The following KMT2C variants were observed in gnomAD, a reference collection of about 807,000 sequenced individuals.
KMT2C encodes the protein histone-lysine N-methyltransferase 2C.
Under a neutral mutation model 507.9 loss-of-function variants are expected in KMT2C, and 88 were observed. That is an observed-to-expected ratio of 0.17 (90% CI 0.15 to 0.21). KMT2C has a LOEUF of 0.21. Among genes scored for constraint, KMT2C ranks in the 10% least tolerant of loss-of-function variants. The pLI is 1.00. For missense variants in KMT2C, 4,954 were observed against 5,957.8 expected, an observed-to-expected ratio of 0.83 and a Z score of 5.55; for synonymous variants, 2,049 against 2,080.8, an observed-to-expected ratio of 0.98 and a Z score of 0.42.
intron 2 of KMT2C, among the ~76,000 whole-genome samples, chr7:152,332,158 C>T (rs2096890476): frequency 6.6e-6 from 1 of 152,254 alleles, no homozygotes; most frequent in African/African-American, 2.4e-5. Context: ...AATCCAACCC[C>T]AAACACCTTA....
At chr7:152,226,974 A>T (rs4024396) in intron 18 of KMT2C, among the ~76,000 whole-genome samples, 1 of 152,198 alleles carries the variant, frequency 6.6e-6, no homozygotes, top group African/African-American at 2.4e-5. Flanking sequence ...GCAGAATTTT[A>T]AAAATATTTA....
At position 152,222,052 on chromosome 7, in the gene KMT2C, A is replaced by C; in HGVS notation, c.3448T>G (p.Cys1150Gly). Reference protein sequence around the residue: ...MPASNVPSSDCCESSLVAQIV... With the variant: ...MPASNVPSSDGCESSLVAQIV... ...TGTGCTACAAGTGAAGATTCACAGC[A>C]GTCTGAGGAAGGCACTGAAACGAAA... The change falls in exon 22 of 59, where the codon TGC (cysteine) becomes GGC (glycine). Residue 1150 changes from cysteine to glycine, a missense_variant. Cys to Gly is a radical substitution (Grantham distance 159). Transcript: ENST00000262189. 2 of 1,600,280 alleles carry C rather than the reference A, an allele frequency of 1.2e-6. No homozygotes were observed. Among genetic ancestry groups the C allele is most frequent in the Non-Finnish European group, 1.7e-6 (2 of 1,174,734 alleles).
chr7:152,145,585 G>A (rs547196499), intron 53 of KMT2C, among the ~76,000 whole-genome samples: 1 of 152,324 alleles, frequency 6.6e-6, no homozygotes, highest in East Asian at 1.9e-4. Context: ...ACACGCTTGT[G>A]TGATTTCAGG....
In KMT2C at chr7:152,185,013, T is replaced by TTTG. The variant is rs2093579584; in HGVS notation, c.5082+544_5082+545insCAA. Among the ~76,000 whole-genome samples the TTTG allele has an allele frequency of 2.6e-5, 4 of 152,318 alleles. No homozygotes were observed. The South Asian group carries it at 8.3e-4, about 32-fold the overall frequency. ...TCAAAGCCATCTGCCCACCTTGGCC[T>TTTG]CTCAAACTGCTGGGATTACAGGTGT... is the stretch of plus-strand genomic sequence containing the variant. On this transcript the variant is annotated intron_variant, in intron 34 of 58. Coordinates refer to ENST00000262189, the MANE Select transcript of KMT2C (RefSeq NM_170606.3).
In KMT2C at chr7:152,182,592, T is replaced by A. The variant is rs757573979; in HGVS notation, c.5268A>T (p.Gln1756His). 6.4e-7 allele frequency: 1 copy of A among 1,557,100 alleles called. No homozygotes were observed. The highest frequency in any genetic ancestry group is 8.7e-7 in the Non-Finnish European group (1 of 1,152,420). The change falls in exon 36 of 59, where the codon CAA (glutamine) becomes CAT (histidine). Residue 1756 changes from glutamine to histidine, a missense_variant and splice_region_variant. By Grantham distance (24) the Gln-to-His change is conservative. Coordinates refer to ENST00000262189, the MANE Select transcript of KMT2C (RefSeq NM_170606.3). The part of the protein sequence containing the change: ...EHEQEWKFRQ[Q>H]MRQKSKQQAK... The stretch of plus-strand genomic sequence containing the variant: ...CTTGCTGCTTACTTTTCTGACGCAT[T>A]TGCTATTAAAATAGAAAAGAAAAAG...
At chr7:152,429,218 T>C (rs1432069060) in intron 1 of KMT2C, among the ~76,000 whole-genome samples, 2 of 152,222 alleles carry the variant, frequency 1.3e-5, no homozygotes, top group Non-Finnish European at 2.9e-5. Flanking sequence ...TTTAGCACTT[T>C]GTAGCTCTTT....
intron 3 of KMT2C, among the ~76,000 whole-genome samples, chr7:152,321,728 T>C (rs892099950): frequency 1.3e-5 from 2 of 151,886 alleles, no homozygotes; most frequent in African/African-American, 4.8e-5. Flanking sequence ...GTAAAAGACC[T>C]GTATACTGAA....
In KMT2C at chr7:152,181,251, A is replaced by G. The variant is rs145094194; in HGVS notation, c.6609T>C (p.Tyr2203=). The G allele has an allele frequency of 1.5e-4, 238 of 1,614,138 alleles. No homozygotes were observed. The highest frequency in any genetic ancestry group is 6.9e-4 in the African/African-American group (52 of 75,038). Residue 2203 remains tyrosine, a synonymous_variant, in exon 36 of 59, where the codon TAT becomes TAC. Transcript: ENST00000262189. ...PVTNQRHSDP[Y]AHPPGTPRPG... ...GTCTTGGTGTTCCAGGAGGATGAGC[A>G]TATGGATCAGAATGCCTCTGATTTG... is the stretch of plus-strand genomic sequence containing the variant.
intron 23 of KMT2C, among the ~76,000 whole-genome samples, chr7:152,209,630 G>T (rs2094405946): frequency 6.6e-6 from 1 of 151,692 alleles, no homozygotes; most frequent in Middle Eastern, 3.2e-3. Context: ...AGCTATTTGG[G>T]AGGCTGAGGT....
intron 43 of KMT2C, among the ~76,000 whole-genome samples, chr7:152,159,569 G>C (rs2092319713): frequency 6.6e-6 from 1 of 152,144 alleles, no homozygotes; most frequent in South Asian, 2.1e-4. Context: ...AGAACAGATA[G>C]CACCAGACAA....
chr7:152,226,910 G>T (rs1016153047), intron 18 of KMT2C, among the ~76,000 whole-genome samples: 4 of 152,186 alleles, frequency 2.6e-5, no homozygotes, highest in Non-Finnish European at 1.5e-5. Context: ...GCGTGACCCT[G>T]GCTTAAACAA....
At chr7:152,157,093 T>C (rs923089638) in intron 44 of KMT2C, among the ~76,000 whole-genome samples, 3 of 152,100 alleles carry the variant, frequency 2.0e-5, no homozygotes, top group African/African-American at 7.2e-5. Context: ...ATAGTTTTTT[T>C]TTTTTCTTTT....
chr7:152,154,204 A>G (rs2091875965), intron 47 of KMT2C, 58 bp from the exon 48 acceptor site: 1 of 1,609,760 alleles, frequency 6.2e-7, no homozygotes, highest in South Asian at 1.1e-5. Flanking sequence ...CAAAATCAAA[A>G]TATTTACATT....
intron 11 of KMT2C, 85 bp downstream of exon 11, chr7:152,251,854 T>C: frequency 2.3e-6 from 2 of 886,008 alleles, no homozygotes; most frequent in Non-Finnish European, 3.2e-6. Context: ...GATCCTCTCT[T>C]CCTGATTAAA....
rs1455482852 is a variant in KMT2C at position 152,249,920 on chromosome 7, C to G, written c.1769G>C (p.Ser590Thr). 1 of 1,610,768 alleles carries G rather than the reference C, an allele frequency of 6.2e-7. No individual in the cohort carries two copies. Among genetic ancestry groups the G allele is most frequent in the Non-Finnish European group, 8.5e-7 (1 of 1,177,386 alleles). The change falls in exon 13 of 59, where the codon AGT (serine) becomes ACT (threonine). Residue 590 changes from serine to threonine, a missense_variant. By Grantham distance (58) the Ser-to-Thr change is moderately conservative. Around this residue, in one of 29 missense-constraint regions of KMT2C, gnomAD observed 376 missense variants for 352.4 expected, o/e 1.07. Transcript: ENST00000262189. Reference sequence around the variant, plus strand: ...TGTGTCAAGACTTTCTGAGGGATGACTCTTCTGTTGCTCTTCAGTGTGGAC... The same window carrying G: ...TGTGTCAAGACTTTCTGAGGGATGAGTCTTCTGTTGCTCTTCAGTGTGGAC... ...VQVHTEEQQK[S>T]HPSESLDTDS... is the part of the protein sequence containing the mutation.
chr7:152,285,046 C>A (rs1261925743), intron 6 of KMT2C, among the ~76,000 whole-genome samples: 1 of 152,228 alleles, frequency 6.6e-6, no homozygotes, highest in African/African-American at 2.4e-5. Flanking sequence ...AAATTCCAGT[C>A]CTAGGTATTT....
chr7:152,181,138 G>A lies in KMT2C; in HGVS notation c.6722C>T (p.Pro2241Leu). 6.2e-7 allele frequency: 1 copy of A among 1,614,182 alleles called. No homozygotes were observed. The highest frequency in any genetic ancestry group is 8.5e-7 in the Non-Finnish European group (1 of 1,180,036). Reference protein sequence around the residue: ...EGFTRSSMTRPVLMPNQDPFL... With the variant: ...EGFTRSSMTRLVLMPNQDPFL... ...AGGATCCTGATTTGGCATGAGGACT[G>A]GTCTTGTCATTGAGGACCTAGTAAA... The change falls in exon 36 of 59, where the codon CCA becomes CTA. Residue 2241 changes from proline to leucine, a missense_variant. Physicochemically the swap from Pro to Leu is moderately conservative, Grantham distance 98. Around this residue, in one of 29 missense-constraint regions of KMT2C, gnomAD observed 1,689 missense variants for 1,654.3 expected, o/e 1.02. Coordinates refer to ENST00000262189, the MANE Select transcript of KMT2C (RefSeq NM_170606.3).
chr7:152,271,804 A>C lies in KMT2C; in HGVS notation c.1012+1901T>G, dbSNP rs369341080. On this transcript the variant is annotated intron_variant, in intron 7 of 58. Transcript: ENST00000262189. ...ATGAAACTGATATTTTTCTACTGCA[A>C]GGTGGCTACTTTAAGATAATTTTTC... Among the ~76,000 whole-genome samples the C allele has an allele frequency of 2.0e-5, 3 of 152,104 alleles. No homozygotes were observed. In the East Asian group the frequency reaches 5.8e-4, roughly 29 times the overall value.
In KMT2C at chr7:152,372,210, C is replaced by T. The variant is rs147884576; in HGVS notation, c.162-13535G>A. On this transcript the variant is annotated intron_variant, in intron 1 of 58. Coordinates refer to ENST00000262189, the MANE Select transcript of KMT2C (RefSeq NM_170606.3). Reference sequence around the variant, plus strand: ...TCACTCTGTCGCCCAGACTGGACTGCGATGGTGTGATCTCAGCTCACCGCA... The same window carrying T: ...TCACTCTGTCGCCCAGACTGGACTGTGATGGTGTGATCTCAGCTCACCGCA... 3.1e-3 allele frequency among the ~76,000 whole-genome samples: 468 copies of T among 152,270 alleles called. 2 individuals are homozygous for T. Among genetic ancestry groups the T allele is most frequent in the African/African-American group, 0.011 (439 of 41,572 alleles).
Sources: allele counts gnomAD v4.1 joint callset (sites outside exome capture counted in the v4.1 genomes callset), GRCh38; gene constraint gnomAD v4.1.1; regional missense constraint gnomAD v4.1.1; transcripts MANE v1.5; gene names NCBI Gene and HGNC (gene_info 2026-07-23, HGNC 2026-07-21).